The following SMYD3 variants were observed in gnomAD, a reference collection of about 807,000 sequenced individuals.
The protein encoded by SMYD3 is SET and MYND domain containing 3.
A neutral mutation model predicts 57.7 loss-of-function variants in SMYD3; 36 were observed. The ratio of observed to expected loss-of-function variants is 0.62; its 90% CI spans 0.48 to 0.82. The LOEUF is 0.82. SMYD3 is among the 40% of genes least tolerant of loss of function. SMYD3 has a pLI of 0.00. For synonymous variants in SMYD3, 211 were observed against 195.0 expected (o/e 1.08, Z -0.68); for missense variants, 515 against 538.8 (o/e 0.96, Z 0.44).
chr1:246,109,969 T>C (rs887435930), intron 5 of SMYD3: 2 of 152,324 alleles, frequency 1.3e-5, no homozygotes, highest in Non-Finnish European at 2.9e-5. Context: ...GAGATAAGGA[T>C]AGGAGCTGAA....
chr1:245,969,831 CCTCT>C (rs909425919), intron 5 of SMYD3, among the ~76,000 whole-genome samples: 10 of 152,152 alleles, frequency 6.6e-5, no homozygotes, highest in East Asian at 1.9e-4. Flanking sequence ...GATTTTATTA[CCTCT>C]CTAAGTGTGT....
intron 10 of SMYD3, among the ~76,000 whole-genome samples, chr1:245,840,369 C>T (rs9660719): frequency 0.15 from 22,245 of 151,876 alleles, 2,178 homozygotes; most frequent in East Asian, 0.41. Flanking sequence ...CTTACGAGAC[C>T]GTGTAATAGG....
intron 1 of SMYD3, among the ~76,000 whole-genome samples, chr1:246,375,837 A>G (rs1041795543): frequency 3.3e-5 from 5 of 151,960 alleles, no homozygotes; most frequent in African/African-American, 1.2e-4. Flanking sequence ...TGAAGCAACA[A>G]TCCTGCCTCA....
chr1:246,323,874 T>TTTTTTTTTTTTTTTTTTTTGAG (rs1468215017), intron 5 of SMYD3, among the ~76,000 whole-genome samples: 1 of 151,890 alleles, frequency 6.6e-6, no homozygotes, highest in Non-Finnish European at 1.5e-5. Context: ...AGACTAATTC[T>TTTTTTTTTTTTTTTTTTTTGAG]AATGAAGGTT....
intron 5 of SMYD3, among the ~76,000 whole-genome samples, chr1:246,171,260 C>G (rs960927966): frequency 4.6e-5 from 7 of 152,206 alleles, no homozygotes; most frequent in African/African-American, 1.7e-4. Context: ...TCAAGTTTAT[C>G]CTATCAATTG....
chr1:245,870,387 T>C (rs927885069), intron 8 of SMYD3, among the ~76,000 whole-genome samples: 1 of 152,140 alleles, frequency 6.6e-6, no homozygotes, highest in Non-Finnish European at 1.5e-5. Flanking sequence ...GGACCCACGC[T>C]TTCTGACAAT....
intron 5 of SMYD3, among the ~76,000 whole-genome samples, chr1:246,313,750 C>G (rs1449380645): frequency 6.6e-6 from 1 of 152,006 alleles, no homozygotes. Context: ...ATAAATATCA[C>G]TAAAAGAAAA....
chr1:245,774,629 C>T (rs1343134275), intron 10 of SMYD3, among the ~76,000 whole-genome samples: 2 of 151,878 alleles, frequency 1.3e-5, no homozygotes, highest in East Asian at 3.9e-4. Context: ...ATCCCTCTCC[C>T]TCTCCCCACA....
rs73141339 is a variant in SMYD3, at chr1:246,142,596, A to G, written c.531+184605T>C. On this transcript the variant is annotated intron_variant, in intron 5 of 11. Transcript: ENST00000490107. ...TATACGCATGGATACGCTTGATGAA[A>G]GAATGATTCATGTCCCGGGGGATAC... 8.8e-3 allele frequency among the ~76,000 whole-genome samples: 1,338 copies of G among 152,340 alleles called. 16 individuals carry two copies. Among genetic ancestry groups the G allele is most frequent in the African/African-American group, 0.03 (1,245 of 41,572 alleles).
chr1:246,152,113 G>T (rs1024972088), intron 5 of SMYD3, among the ~76,000 whole-genome samples: 1 of 152,202 alleles, frequency 6.6e-6, no homozygotes, highest in African/African-American at 2.4e-5. Context: ...GGAAGTGAAG[G>T]GTTCAGCCCA....
At chr1:246,262,585 T>C (rs1242613744) in intron 5 of SMYD3, among the ~76,000 whole-genome samples, 1 of 152,142 alleles carries the variant, frequency 6.6e-6, no homozygotes, top group Admixed American at 6.5e-5. Context: ...CATATATTTC[T>C]TATGGACTTT....
chr1:245,818,881 C>G (rs2049001323), intron 10 of SMYD3, among the ~76,000 whole-genome samples: 1 of 142,738 alleles, frequency 7.0e-6, no homozygotes, highest in Non-Finnish European at 1.5e-5. Flanking sequence ...CAGGAGCACC[C>G]AGATTCATAA....
intron 5 of SMYD3, among the ~76,000 whole-genome samples, chr1:246,047,612 A>G (rs10924462): frequency 0.46 from 70,565 of 152,078 alleles, 17,831 homozygotes; most frequent in East Asian, 0.8. Flanking sequence ...CTGAGGGAGT[A>G]GATCATTTGA....
intron 5 of SMYD3, among the ~76,000 whole-genome samples, chr1:245,957,070 C>T (rs1431183029): frequency 6.6e-6 from 1 of 152,148 alleles, no homozygotes; most frequent in African/African-American, 2.4e-5. Flanking sequence ...ACCAAACCAC[C>T]AATAGGCATG....
chr1:245,927,795 G>C (rs756183932), intron 7 of SMYD3, 136 bp downstream of exon 7: 1 of 666,362 alleles, frequency 1.5e-6, no homozygotes, highest in Non-Finnish European at 2.7e-6. Flanking sequence ...AGAGGTGACT[G>C]AACTACAAAT....
At chr1:246,040,503 C>T (rs1190816080) in intron 5 of SMYD3, among the ~76,000 whole-genome samples, 2 of 152,260 alleles carry the variant, frequency 1.3e-5, no homozygotes, top group African/African-American at 2.4e-5. Flanking sequence ...ACTGCTTTCT[C>T]GTAGGAATTT....
chr1:246,462,471 G>A (rs1229459729), intron 1 of SMYD3, among the ~76,000 whole-genome samples: 1 of 152,120 alleles, frequency 6.6e-6, no homozygotes, highest in Non-Finnish European at 1.5e-5. Context: ...GTGCCACTGT[G>A]TCCACTGGTA....
chr1:246,097,618 C>T (rs979522269), intron 5 of SMYD3, among the ~76,000 whole-genome samples: 4 of 152,086 alleles, frequency 2.6e-5, no homozygotes, highest in South Asian at 2.1e-4. Context: ...ATTTCCAACC[C>T]CCACAATCCC....
intron 5 of SMYD3, among the ~76,000 whole-genome samples, chr1:246,105,015 G>A (rs28677809): frequency 0.021 from 3,200 of 152,310 alleles, 143 homozygotes; most frequent in East Asian, 0.16. Context: ...TAGCCAAAGA[G>A]GAGGGTGGCA....
Sources: allele counts gnomAD v4.1 joint callset (sites outside exome capture counted in the v4.1 genomes callset), GRCh38; gene constraint gnomAD v4.1.1; transcripts MANE v1.5; gene names NCBI Gene and HGNC (gene_info 2026-07-23, HGNC 2026-07-21).